ANXA8: variants seen among roughly 807,000 people sequenced by gnomAD.
ANXA8 encodes VAC-beta.
In ANXA8, 9 loss-of-function variants were observed where a neutral mutation model predicts 26.8. That is an observed-to-expected ratio of 0.34 (90% CI 0.20 to 0.59). The LOEUF is 0.59. Among genes scored for constraint, ANXA8 ranks in the 20% least tolerant of loss-of-function variants. ANXA8 has a pLI of 0.84. For synonymous variants in ANXA8, 39 were observed against 94.8 expected (o/e 0.41, Z 3.42); for missense variants, 83 against 238.5 (o/e 0.35, Z 4.29).
At chr10:47,936,799 G>C in the ANXA8 span, among the ~76,000 whole-genome samples, 1 of 152,026 alleles carries the variant, frequency 6.6e-6, no homozygotes, top group South Asian at 2.1e-4. Context: ...AGCCCGGCTA[G>C]GTCCCAGTGC....
At chr10:47,497,774 C>G in the ANXA8 span, among the ~76,000 whole-genome samples, 3 of 150,274 alleles carry the variant, frequency 2.0e-5, no homozygotes, top group Non-Finnish European at 3.0e-5. Context: ...CCCGTCTCTA[C>G]TAAACATACA....
the ANXA8 span, among the ~76,000 whole-genome samples, chr10:47,671,249 C>A: frequency 6.6e-6 from 1 of 151,614 alleles, no homozygotes. Context: ...ATGGTGAAAC[C>A]CCATCTCTAC....
chr10:47,768,640 G>C, the ANXA8 span, among the ~76,000 whole-genome samples: 45 of 151,420 alleles, frequency 3.0e-4, no homozygotes, highest in African/African-American at 5.4e-4. Context: ...GGGCTGTGCT[G>C]AGGTAGAGAG....
the ANXA8 span, among the ~76,000 whole-genome samples, chr10:47,534,594 T>C: frequency 4.6e-5 from 6 of 131,616 alleles, 1 homozygote; most frequent in Admixed American, 4.7e-4. Flanking sequence ...TTTATACAAG[T>C]TCCTTAGGTA....
chr10:47,561,743 A>G, the ANXA8 span, among the ~76,000 whole-genome samples: 1 of 151,792 alleles, frequency 6.6e-6, no homozygotes, highest in Non-Finnish European at 1.5e-5. Flanking sequence ...AAAGCAGTGA[A>G]CATAACAAAG....
chr10:47,662,533 T>A, the ANXA8 span, among the ~76,000 whole-genome samples: 2 of 151,790 alleles, frequency 1.3e-5, 1 homozygote, highest in African/African-American at 4.8e-5. Flanking sequence ...TGCTTTGCTC[T>A]TCCTTAGTAA....
chr10:47,968,304 T>C, the ANXA8 span, among the ~76,000 whole-genome samples: 2 of 150,334 alleles, frequency 1.3e-5, no homozygotes, highest in Non-Finnish European at 3.0e-5. Context: ...CTTGGTTTCA[T>C]GGTTTTGCAA....
chr10:47,968,782 C>T, the ANXA8 span, among the ~76,000 whole-genome samples: 4 of 150,204 alleles, frequency 2.7e-5, no homozygotes, highest in South Asian at 2.1e-4. Flanking sequence ...GCCACTGACT[C>T]GGTCAGTCAT....
At chr10:47,683,223 A>ATTTTTTTTT in the ANXA8 span, among the ~76,000 whole-genome samples, 1 of 110,628 alleles carries the variant, frequency 9.0e-6, no homozygotes, top group South Asian at 2.7e-4. Context: ...GCATTTACTA[A>ATTTTTTTTT]TTTTTTTTTT....
chr10:47,652,929 G>T, the ANXA8 span, among the ~76,000 whole-genome samples: 1 of 151,298 alleles, frequency 6.6e-6, no homozygotes, highest in Admixed American at 6.6e-5. Context: ...TCTGAGTAGT[G>T]ATTTTATATT....
At chr10:47,938,789 C>T in the ANXA8 span, among the ~76,000 whole-genome samples, 3 of 149,452 alleles carry the variant, frequency 2.0e-5, no homozygotes, top group Admixed American at 2.0e-4. Context: ...GGGGAAGGAA[C>T]AAATGCAAAG....
chr10:47,918,502 G>T, the ANXA8 span, among the ~76,000 whole-genome samples: 2 of 39,998 alleles, frequency 5.0e-5, 1 homozygote, highest in Non-Finnish European at 1.1e-4. Context: ...AGAGACACAC[G>T]CAGGCAGGGC....
chr10:47,624,279 T>A, the ANXA8 span, among the ~76,000 whole-genome samples: 1 of 114,812 alleles, frequency 8.7e-6, no homozygotes, highest in East Asian at 2.2e-4. Flanking sequence ...TAAAAAGGCT[T>A]CATATGTTTC....
the ANXA8 span, among the ~76,000 whole-genome samples, chr10:47,892,458 T>G: frequency 2.1e-4 from 25 of 116,864 alleles, no homozygotes; most frequent in Admixed American, 4.9e-4. Flanking sequence ...AGGGTGGGGG[T>G]GGTGAAAGCA....
the ANXA8 span, among the ~76,000 whole-genome samples, chr10:47,723,615 C>A: frequency 7.2e-6 from 1 of 138,090 alleles, no homozygotes; most frequent in Admixed American, 7.5e-5. Context: ...TCTTTCTCAG[C>A]CTTTTCTACC....
chr10:47,560,039 A>G, the ANXA8 span, among the ~76,000 whole-genome samples: 1 of 150,672 alleles, frequency 6.6e-6, no homozygotes, highest in African/African-American at 2.4e-5. Context: ...CATCCAGCGG[A>G]ACATGTCTCT....
the ANXA8 span, among the ~76,000 whole-genome samples, chr10:47,553,069 C>A: frequency 1.3e-5 from 2 of 151,934 alleles, no homozygotes; most frequent in Non-Finnish European, 2.9e-5. Flanking sequence ...GCACTAGGAA[C>A]GCTTTGAAAC....
At chr10:47,683,122 T>C in the ANXA8 span, among the ~76,000 whole-genome samples, 1 of 152,036 alleles carries the variant, frequency 6.6e-6, no homozygotes, top group East Asian at 1.9e-4. Flanking sequence ...ACTGCTTTTG[T>C]TTCTGAGGAA....
chr10:47,689,874 C>T, the ANXA8 span: 1 of 1,273,932 alleles, frequency 7.8e-7, no homozygotes. Flanking sequence ...AAAAACAGCA[C>T]AAAAATCTTG....
Sources: gnomAD v4.1 joint callset for allele counts (sites outside exome capture counted in the v4.1 genomes callset) on GRCh38, gnomAD v4.1.1 for gene constraint, MANE v1.5 for transcripts, NCBI Gene and HGNC (gene_info 2026-07-23, HGNC 2026-07-21) for gene names.